CACNB2: variants seen among roughly 807,000 people sequenced by gnomAD.
The protein encoded by CACNB2 is voltage-dependent L-type calcium channel subunit beta-2.
Under a neutral mutation model 73.3 loss-of-function variants are expected in CACNB2, and 42 were observed. That is an observed-to-expected ratio of 0.57 (90% CI 0.45 to 0.74). CACNB2 has a LOEUF of 0.74. CACNB2 is among the 30% of genes least tolerant of loss of function. The pLI is 0.00. For missense variants in CACNB2, 940 were observed against 853.0 expected, an observed-to-expected ratio of 1.10 and a Z score of -1.27; for synonymous variants, 348 against 310.3, an observed-to-expected ratio of 1.12 and a Z score of -1.28.
intron 6 of CACNB2, among the ~76,000 whole-genome samples, chr10:18,510,685 T>C (rs2050720861): frequency 6.6e-6 from 1 of 152,192 alleles, no homozygotes; most frequent in Non-Finnish European, 1.5e-5. Flanking sequence ...ATTCAACTCA[T>C]GAACTTGACT....
Position 18,149,221 on chromosome 10 carries a change from T to G in CACNB2, c.121-1662T>G, listed in dbSNP as rs150674777. The stretch of plus-strand genomic sequence containing the variant: ...TTAAAGAGATTTTCATACTTTATTT[T>G]AGCCTTCTTAGGCCTTAGAAAATGC... On this transcript the variant is annotated intron_variant, in intron 1 of 13. Transcript: ENST00000324631. Among the ~76,000 whole-genome samples the G allele has an allele frequency of 5.2e-3, 786 of 152,300 alleles. 13 individuals carry two copies. Among genetic ancestry groups the G allele is most frequent in the African/African-American group, 0.018 (740 of 41,560 alleles).
chr10:18,503,167 G>A lies in CACNB2; in HGVS notation c.593+2219G>A, dbSNP rs576087382. Among the ~76,000 whole-genome samples, 7 of 152,310 alleles carry A rather than the reference G, an allele frequency of 4.6e-5. No individual in the cohort carries two copies. The South Asian group carries it at 1.2e-3, about 27-fold the overall frequency. ...TGAGAAAAAAAAGTAAAGACATGCA[G>A]ATGAACAGCGCATGTGCATTCTGCC... On this transcript the variant is annotated intron_variant, in intron 5 of 13. Transcript: ENST00000324631.
chr10:18,476,815 C>G (rs2048463841), intron 3 of CACNB2, among the ~76,000 whole-genome samples: 1 of 152,064 alleles, frequency 6.6e-6, no homozygotes, highest in Admixed American at 6.6e-5. Flanking sequence ...GAGTTCTAGA[C>G]CAGTCTGGCC....
At chr10:18,229,691 A>G (rs1036077768) in intron 2 of CACNB2, among the ~76,000 whole-genome samples, 2 of 151,916 alleles carry the variant, frequency 1.3e-5, no homozygotes, top group South Asian at 2.1e-4. Flanking sequence ...ACACTCTTCT[A>G]TGGTAAACAG....
intron 2 of CACNB2, among the ~76,000 whole-genome samples, chr10:18,383,505 C>G (rs575203143): frequency 6.6e-6 from 1 of 152,240 alleles, no homozygotes; most frequent in African/African-American, 2.4e-5. Context: ...TATAACAGAG[C>G]AATATCGTCT....
At chr10:18,185,761 T>C (rs1423972607) in intron 2 of CACNB2, among the ~76,000 whole-genome samples, 3 of 152,152 alleles carry the variant, frequency 2.0e-5, no homozygotes, top group Admixed American at 1.3e-4. Flanking sequence ...ACCCAGCACA[T>C]TCATTCATTT....
chr10:18,332,365 T>C (rs2040839139), intron 2 of CACNB2, among the ~76,000 whole-genome samples: 1 of 152,064 alleles, frequency 6.6e-6, no homozygotes, highest in South Asian at 2.1e-4. Flanking sequence ...GGGGAGCATG[T>C]GGGTGCTGTT....
chr10:18,269,725 G>A (rs1346970967), intron 2 of CACNB2, among the ~76,000 whole-genome samples: 1 of 152,170 alleles, frequency 6.6e-6, no homozygotes, highest in African/African-American at 2.4e-5. Context: ...ACAAGACTGA[G>A]CTCCATCCTT....
At chr10:18,265,013 C>T (rs2131613758) in intron 2 of CACNB2, among the ~76,000 whole-genome samples, 1 of 152,230 alleles carries the variant, frequency 6.6e-6, no homozygotes, top group East Asian at 1.9e-4. Context: ...CCCCCCTACA[C>T]CTAGTATTGT....
intron 2 of CACNB2, among the ~76,000 whole-genome samples, chr10:18,266,279 G>T (rs1293366908): frequency 2.0e-5 from 3 of 152,204 alleles, no homozygotes; most frequent in African/African-American, 7.2e-5. Context: ...AGGCCACAGA[G>T]TCTGAGGATG....
intron 2 of CACNB2, among the ~76,000 whole-genome samples, chr10:18,350,209 C>T (rs1327134472): frequency 6.6e-6 from 1 of 152,184 alleles, no homozygotes; most frequent in Non-Finnish European, 1.5e-5. Flanking sequence ...TGTGCCATTG[C>T]ACTCCAGCCT....
intron 3 of CACNB2, among the ~76,000 whole-genome samples, chr10:18,478,984 G>A (rs2048581551): frequency 6.6e-6 from 1 of 152,074 alleles, no homozygotes; most frequent in African/African-American, 2.4e-5. Context: ...TCTAAGCCCA[G>A]TAGTTCAAGG....
chr10:18,518,835 G>T, intron 8 of CACNB2, 75 bp from the exon 9 acceptor site: 1 of 1,331,580 alleles, frequency 7.5e-7, no homozygotes, highest in South Asian at 1.2e-5. Context: ...GCATTCCTAA[G>T]AGAAGTAAAA....
At chr10:18,178,722 G>C (rs561273937) in intron 2 of CACNB2, among the ~76,000 whole-genome samples, 1 of 152,322 alleles carries the variant, frequency 6.6e-6, no homozygotes, top group African/African-American at 2.4e-5. Flanking sequence ...ATATGAATCA[G>C]TGTTCCTGCT....
intron 2 of CACNB2, among the ~76,000 whole-genome samples, chr10:18,195,588 C>G (rs998224536): frequency 6.6e-6 from 1 of 152,206 alleles, no homozygotes; most frequent in Non-Finnish European, 1.5e-5. Context: ...GGCTCTCGGC[C>G]AGAGAGATGC....
chr10:18,306,131 C>G (rs2039718957), intron 2 of CACNB2, among the ~76,000 whole-genome samples: 1 of 152,066 alleles, frequency 6.6e-6, no homozygotes, highest in African/African-American at 2.4e-5. Flanking sequence ...TAATTGTGAT[C>G]TTGGGAGAGG....
intron 2 of CACNB2, among the ~76,000 whole-genome samples, chr10:18,153,843 A>T (rs969596744): frequency 2.7e-5 from 4 of 148,284 alleles, no homozygotes; most frequent in African/African-American, 7.5e-5. Context: ...TGGTGTGCCA[A>T]AGTGCTGGGA....
intron 3 of CACNB2, among the ~76,000 whole-genome samples, chr10:18,438,831 C>A (rs544247335): frequency 1.3e-5 from 2 of 152,322 alleles, no homozygotes; most frequent in East Asian, 1.9e-4. Context: ...TCTCAAAGTC[C>A]TCATGTGACA....
intron 3 of CACNB2, among the ~76,000 whole-genome samples, chr10:18,472,817 T>C (rs2048261099): frequency 6.6e-6 from 1 of 152,234 alleles, no homozygotes; most frequent in Non-Finnish European, 1.5e-5. Flanking sequence ...CTTCTAAATA[T>C]TCTTTATACC....
Sources: gnomAD v4.1 joint callset for allele counts (sites outside exome capture counted in the v4.1 genomes callset) on GRCh38, gnomAD v4.1.1 for gene constraint, MANE v1.5 for transcripts, NCBI Gene and HGNC (gene_info 2026-07-23, HGNC 2026-07-21) for gene names.